NFRKB: variants seen among roughly 807,000 people sequenced by gnomAD.
The protein encoded by NFRKB is nuclear factor related to kappaB binding protein.
A neutral mutation model predicts 135.7 loss-of-function variants in NFRKB; 62 were observed. The ratio of observed to expected loss-of-function variants is 0.46; its 90% CI spans 0.37 to 0.56. NFRKB has a LOEUF of 0.56. NFRKB is among the 20% of genes least tolerant of loss of function. The probability of loss-of-function intolerance (pLI) is 0.00; values close to 1 mark genes in which losing one functional copy is unlikely to be tolerated. For missense variants in NFRKB, 1,545 were observed against 1,662.0 expected (o/e 0.93, Z 1.22); for synonymous variants, 678 against 635.6 (o/e 1.07, Z -1.00).
Position 129,892,835 on chromosome 11 carries a change from G to A in NFRKB, c.15C>T (p.Asp5=), listed in dbSNP as rs745945968. 1.1e-5 allele frequency: 17 copies of A among 1,614,038 alleles called. No individual in the cohort carries two copies. In the South Asian group the frequency reaches 1.8e-4, roughly 17 times the overall value. Residue 5 remains aspartate, a synonymous_variant, in exon 3 of 27, where the codon GAC becomes GAT. Coordinates refer to ENST00000682444, the MANE Select transcript of NFRKB (RefSeq NM_001143835.2). Reference sequence around the variant, plus strand: ...GTTCCAGAGGATCTGTCAGCATATGGTCTAAGGAATCCATTGTTTCTTCTC... The same window carrying A: ...GTTCCAGAGGATCTGTCAGCATATGATCTAAGGAATCCATTGTTTCTTCTC... The part of the protein sequence containing the change: MDSL[D]HMLTDPLELG...
intron 3 of NFRKB, among the ~76,000 whole-genome samples, chr11:129,890,666 A>C (rs984644316): frequency 2.0e-5 from 3 of 152,230 alleles, no homozygotes; most frequent in Admixed American, 2.0e-4. Context: ...GAAATATATA[A>C]TTAAATGAAT....
chr11:129,886,118 T>C lies in NFRKB; in HGVS notation c.465+199A>G, dbSNP rs542770164. On this transcript the variant is annotated intron_variant, in intron 5 of 26. Coordinates refer to ENST00000682444, the MANE Select transcript of NFRKB (RefSeq NM_001143835.2). Reference sequence around the variant, plus strand: ...TTTCATCAATTTTAAGAAGCACATTTTATGTTTTAACATCTCTGAAATCAG... The same window carrying C: ...TTTCATCAATTTTAAGAAGCACATTCTATGTTTTAACATCTCTGAAATCAG... Among the ~76,000 whole-genome samples the C allele has an allele frequency of 1.9e-3, 291 of 152,358 alleles. 1 individual carries two copies. Among genetic ancestry groups the C allele is most frequent in the African/African-American group, 6.3e-3 (260 of 41,580 alleles).
intron 3 of NFRKB, among the ~76,000 whole-genome samples, 198 bp downstream of exon 3, chr11:129,892,517 G>A (rs191503868): frequency 3.3e-5 from 5 of 152,162 alleles, no homozygotes; most frequent in South Asian, 2.1e-4. Flanking sequence ...CATGCGGAAC[G>A]TAGCTTGTTT....
At chr11:129,881,412 C>T in intron 13 of NFRKB, 31 bp downstream of exon 13, 1 of 1,609,274 alleles carries the variant, frequency 6.2e-7, no homozygotes, top group Non-Finnish European at 8.5e-7. Flanking sequence ...AGAACGAAAA[C>T]CTGTTGGGGT....
chr11:129,892,198 C>T (rs755007611), intron 3 of NFRKB, among the ~76,000 whole-genome samples: 1 of 152,292 alleles, frequency 6.6e-6, no homozygotes, highest in African/African-American at 2.4e-5. Flanking sequence ...TCTTTTACCC[C>T]TCACCCGACT....
chr11:129,884,791 G>A lies in NFRKB; in HGVS notation c.696C>T (p.Pro232=). Residue 232 remains proline (P), a synonymous_variant, in exon 7 of 27, where the codon CCC becomes CCT. Coordinates refer to ENST00000682444, the MANE Select transcript of NFRKB (RefSeq NM_001143835.2). The part of the protein sequence containing the change: ...SPARSPSPAV[P]LRVVPTLSTT... ...TTGAAAGTGTGGGCACCACCCGCAG[G>A]GGCACCGCAGGACTAGGAGAACGTG... is the stretch of plus-strand genomic sequence containing the variant. 1 of 1,614,176 alleles carries A rather than the reference G, an allele frequency of 6.2e-7. No homozygotes were observed. The highest frequency in any genetic ancestry group is 1.3e-5 in the African/African-American group (1 of 75,060).
chr11:129,889,410 G>A (rs947916824), intron 3 of NFRKB, among the ~76,000 whole-genome samples: 1 of 152,072 alleles, frequency 6.6e-6, no homozygotes, highest in Non-Finnish European at 1.5e-5. Context: ...CTGCCAACGA[G>A]GGTATGAGGG....
intron 9 of NFRKB, 115 bp downstream of exon 9, chr11:129,883,007 T>C (rs112991582): frequency 7.9e-6 from 7 of 890,816 alleles, no homozygotes; most frequent in African/African-American, 5.0e-5. Flanking sequence ...GAGGTAATAA[T>C]AAAGGTTACC....
At position 129,892,880 on chromosome 11, in the gene NFRKB, G is replaced by C. The variant is rs1289465646; in HGVS notation, c.-21-10C>G. On this transcript the variant is annotated splice_polypyrimidine_tract_variant and intron_variant, in intron 2 of 26. Coordinates refer to ENST00000682444, the MANE Select transcript of NFRKB (RefSeq NM_001143835.2). ...CTTCTCCACAGGTACTCTGGACAAA[G>C]ACATGCATCTTGAGACAGAAAGGCA... The C allele has an allele frequency of 4.3e-6, 7 of 1,614,148 alleles. No homozygotes were observed. Among genetic ancestry groups the C allele is most frequent in the East Asian group, 2.2e-5 (1 of 44,876 alleles).
intron 26 of NFRKB, 41 bp downstream of exon 26, chr11:129,864,925 A>G: frequency 2.5e-6 from 4 of 1,612,486 alleles, no homozygotes; most frequent in Non-Finnish European, 3.4e-6. Context: ...GTGGAATCAG[A>G]GAGGAGCCGG....
chr11:129,893,163 AT>A, intron 2 of NFRKB: 2 of 970,868 alleles, frequency 2.1e-6, no homozygotes, highest in Non-Finnish European at 2.8e-6. Context: ...CTGAGAATAA[AT>A]GATAAACAGA....
chr11:129,879,137 T>TGGCA (rs1948909951), intron 13 of NFRKB, among the ~76,000 whole-genome samples: 2 of 152,270 alleles, frequency 1.3e-5, no homozygotes, highest in South Asian at 4.1e-4. Flanking sequence ...CACCTGTGTC[T>TGGCA]CCTGCCCAGC....
At chr11:129,876,658 T>C (rs1948779671) in intron 17 of NFRKB, 63 bp downstream of exon 17, 7 of 1,557,298 alleles carry the variant, frequency 4.5e-6, no homozygotes, top group Non-Finnish European at 6.1e-6. Flanking sequence ...GAGTTCAGAG[T>C]TGGTAAGAGA....
chr11:129,893,018 C>T, intron 2 of NFRKB, 148 bp from the exon 3 acceptor site: 1 of 1,480,942 alleles, frequency 6.8e-7, no homozygotes, highest in Non-Finnish European at 8.9e-7. Flanking sequence ...GCTCTCCTCC[C>T]TCCCTTTCAC....
intron 16 of NFRKB, among the ~76,000 whole-genome samples, 169 bp from the exon 17 acceptor site, chr11:129,877,064 T>C (rs568162449): frequency 7.4e-4 from 112 of 152,250 alleles, no homozygotes; most frequent in Middle Eastern, 3.4e-3. Context: ...AAAGGATGGT[T>C]CTCAGAGCCA....
intron 10 of NFRKB, 115 bp from the exon 11 acceptor site, chr11:129,882,309 T>C (rs1591514902): frequency 7.5e-7 from 1 of 1,339,808 alleles, no homozygotes. Flanking sequence ...GAGCAAACAA[T>C]ATATTTTCCC....
intron 23 of NFRKB, 89 bp downstream of exon 23, chr11:129,872,795 G>T: frequency 7.7e-7 from 1 of 1,292,328 alleles, no homozygotes. Context: ...TCTTCCCATG[G>T]GCATGCAGTC....
Position 129,869,667 on chromosome 11 carries a change from C to T in NFRKB, c.3358G>A (p.Gly1120Arg), listed in dbSNP as rs1460976157. 1 of 1,614,228 alleles carries T rather than the reference C, an allele frequency of 6.2e-7. No individual in the cohort carries two copies. Among genetic ancestry groups the T allele is most frequent in the African/African-American group, 1.3e-5 (1 of 75,054 alleles). ...HAKQGASVAS[G>R]SGTVHTSAVS... ...GCTGAAGTATGGACAGTTCCAGACC[C>T]ACTGGCCACCGAGGCCCCTTGCTTG... The change falls in exon 24 of 27, where the codon GGG becomes AGG. Residue 1120 changes from glycine (G) to arginine (R), a missense_variant. Physicochemically the swap from Gly to Arg is moderately radical, Grantham distance 125 (BLOSUM62 -2). Around this residue, in one of 3 missense-constraint regions of NFRKB, gnomAD observed 753 missense variants for 804.3 expected, o/e 0.94. Transcript: ENST00000682444.
Position 129,878,461 on chromosome 11 carries a change from T to C in NFRKB, c.1464+3A>G, listed in dbSNP as rs1948876805. 2.5e-6 allele frequency: 4 copies of C among 1,613,802 alleles called. No individual in the cohort carries two copies. Among genetic ancestry groups the C allele is most frequent in the Non-Finnish European group, 3.4e-6 (4 of 1,179,842 alleles). The stretch of plus-strand genomic sequence containing the variant: ...GGATCTGGTATTTCTTAAAAAAACA[T>C]ACCTTACAGAAGGCCTGATCTTTGG... On this transcript the variant is annotated splice_donor_region_variant and intron_variant, in intron 14 of 26. Transcript: ENST00000682444.
Sources: allele counts gnomAD v4.1 joint callset (sites outside exome capture counted in the v4.1 genomes callset), GRCh38; gene constraint gnomAD v4.1.1; regional missense constraint gnomAD v4.1.1; transcripts MANE v1.5; gene names NCBI Gene and HGNC (gene_info 2026-07-23, HGNC 2026-07-21).